The following RPRD1B variants were observed in gnomAD, a reference collection of about 807,000 sequenced individuals.
RPRD1B encodes the protein regulation of nuclear pre-mRNA domain-containing protein 1B.
RPRD1B carries 11 observed loss-of-function variants against 41.5 expected under a neutral mutation model. The observed-to-expected ratio is 0.27, with a 90% CI of 0.17 to 0.44. RPRD1B has a LOEUF of 0.44. Ranked by LOEUF, RPRD1B falls within the 20% of genes least tolerant of loss-of-function variation. The pLI is 1.00. For missense variants in RPRD1B, 248 were observed against 389.9 expected (o/e 0.64, Z 3.06); for synonymous variants, 158 against 155.6 (o/e 1.02, Z -0.12).
At chr20:38,036,748 C>A (rs1055599674) in intron 1 of RPRD1B, among the ~76,000 whole-genome samples, 1 of 152,230 alleles carries the variant, frequency 6.6e-6, no homozygotes, top group Non-Finnish European at 1.5e-5. Context: ...TGTTTTCTAT[C>A]TGTGCCATCC....
intron 2 of RPRD1B, among the ~76,000 whole-genome samples, chr20:38,043,330 G>C (rs1363631841): frequency 6.6e-6 from 1 of 152,184 alleles, no homozygotes; most frequent in Non-Finnish European, 1.5e-5. Context: ...AGAATATAGT[G>C]CACAAAGGGA....
intron 4 of RPRD1B, among the ~76,000 whole-genome samples, chr20:38,058,086 G>A (rs2074261941): frequency 6.6e-6 from 1 of 152,068 alleles, no homozygotes; most frequent in African/African-American, 2.4e-5. Flanking sequence ...ATTGAAACAA[G>A]GAGTTAGTCT....
At chr20:38,062,919 C>CA (rs1268480074) in intron 5 of RPRD1B, among the ~76,000 whole-genome samples, 1 of 142,052 alleles carries the variant, frequency 7.0e-6, no homozygotes, top group Non-Finnish European at 1.5e-5. Context: ...ATTGTAACCT[C>CA]AAACTCCTGG....
At chr20:38,077,171 GCC>G (rs1236689191) in intron 6 of RPRD1B, among the ~76,000 whole-genome samples, 4 of 151,890 alleles carry the variant, frequency 2.6e-5, no homozygotes, top group Non-Finnish European at 5.9e-5. Flanking sequence ...ACCCGCCTCA[GCC>G]TCCCAAAGCG....
intron 3 of RPRD1B, among the ~76,000 whole-genome samples, chr20:38,050,243 C>A (rs937897870): frequency 1.3e-5 from 2 of 152,192 alleles, no homozygotes; most frequent in East Asian, 3.9e-4. Context: ...GGGTAACTTT[C>A]CTGTGAAACC....
chr20:38,059,806 G>A (rs536311837), intron 5 of RPRD1B, among the ~76,000 whole-genome samples: 10 of 152,174 alleles, frequency 6.6e-5, no homozygotes, highest in African/African-American at 2.2e-4. Context: ...AATTGTGTGC[G>A]TGTGGGGTGG....
At chr20:38,037,745 G>A (rs560086570) in intron 1 of RPRD1B, among the ~76,000 whole-genome samples, 1 of 152,298 alleles carries the variant, frequency 6.6e-6, no homozygotes, top group Admixed American at 6.5e-5. Flanking sequence ...AATTGGCATT[G>A]TAAACAGTGA....
intron 6 of RPRD1B, among the ~76,000 whole-genome samples, chr20:38,067,158 A>G (rs2074365941): frequency 6.6e-6 from 1 of 152,206 alleles, no homozygotes; most frequent in Admixed American, 6.5e-5. Context: ...TTTCCTCACC[A>G]TACACTTGTT....
At chr20:38,040,275 C>T (rs1210625470) in intron 1 of RPRD1B, among the ~76,000 whole-genome samples, 160 bp from the exon 2 acceptor site, 2 of 151,106 alleles carry the variant, frequency 1.3e-5, no homozygotes, top group East Asian at 3.9e-4. Context: ...ATGGTATTCC[C>T]AAACCTATTC....
At chr20:38,035,747 A>G (rs547828844) in intron 1 of RPRD1B, among the ~76,000 whole-genome samples, 13 of 149,628 alleles carry the variant, frequency 8.7e-5, no homozygotes, top group Admixed American at 5.3e-4. Context: ...GTTAAAGTCC[A>G]TCTCAGGTGT....
chr20:38,063,229 T>A (rs745801272), intron 5 of RPRD1B, among the ~76,000 whole-genome samples: 1 of 152,226 alleles, frequency 6.6e-6, no homozygotes, highest in Non-Finnish European at 1.5e-5. Context: ...CTGACCACCT[T>A]TTTGAAAATG....
chr20:38,077,757 G>A (rs2074477800), intron 6 of RPRD1B, among the ~76,000 whole-genome samples: 1 of 152,102 alleles, frequency 6.6e-6, no homozygotes, highest in South Asian at 2.1e-4. Flanking sequence ...ATCTACATCT[G>A]CTCTTAGGCC....
rs753633602 is a variant in RPRD1B, at chr20:38,040,481, C to T, written c.198C>T (p.Val66=). The change falls in exon 2 of 7, where the codon GTC becomes GTT. Residue 66 remains valine (V), a synonymous_variant. Transcript: ENST00000373433. ...CTTTTCTGTATTTAGCGAATGATGTCATCCAAAACAGTAAAAGGAAAGGAC... is the reference window on the plus strand; with the variant it reads ...CTTTTCTGTATTTAGCGAATGATGTTATCCAAAACAGTAAAAGGAAAGGAC... ...KLTFLYLAND[V]IQNSKRKGPE... is the part of the protein sequence containing the mutation. 6.8e-6 allele frequency: 11 copies of T among 1,608,098 alleles called. No homozygotes were observed. In the East Asian group the frequency reaches 2.2e-4, roughly 33 times the overall value.
chr20:38,070,480 G>A lies in RPRD1B; in HGVS notation c.831+4224G>A, dbSNP rs1206905269. The A allele has an allele frequency of 3.0e-6, 3 of 985,414 alleles. No homozygotes were observed. The East Asian group carries it at 3.4e-4, about 112-fold the overall frequency. The allele number at this position is 985,414 out of a possible 1,614,324, so 61.0% of individuals were successfully genotyped here. On this transcript the variant is annotated intron_variant, in intron 6 of 6. Transcript: ENST00000373433. ...AAAGCCTTCCAGCTTCACTTCCAGA[G>A]CAAAGAGAAGCTTTGTTTGTGGTTG...
chr20:38,087,511 C>T (rs1568664974), intron 6 of RPRD1B, among the ~76,000 whole-genome samples: 1 of 152,152 alleles, frequency 6.6e-6, no homozygotes, highest in African/African-American at 2.4e-5. Context: ...GGTTCTGAGT[C>T]GAGGTGGCTT....
Position 38,047,433 on chromosome 20 carries a change from T to A in RPRD1B, c.282-915T>A, listed in dbSNP as rs6022616. ...GCATGGTTTCTCCTTGAAGTTCCTA[T>A]TAAAAGCCATTTAACTTAGATACTA... On this transcript the variant is annotated intron_variant, in intron 2 of 6. Coordinates refer to ENST00000373433, the MANE Select transcript of RPRD1B (RefSeq NM_021215.4). Among the ~76,000 whole-genome samples, 14 of 151,964 alleles carry A rather than the reference T, an allele frequency of 9.2e-5. 1 individual carries two copies. The highest frequency in any genetic ancestry group is 9.2e-4 in the Admixed American group (14 of 15,272).
At position 38,091,722 on chromosome 20, in the gene RPRD1B, C is replaced by T. The variant is rs887059309; in HGVS notation, c.*1847C>T. 3.1e-5 allele frequency: 31 copies of T among 985,554 alleles called. No individual in the cohort carries two copies. The highest frequency in any genetic ancestry group is 3.7e-5 in the Non-Finnish European group (31 of 829,946). The allele number at this position is 985,554 out of a possible 1,614,324, so 61.1% of individuals were successfully genotyped here. A position where few individuals can be genotyped will look rare whatever the true frequency, so the allele number is the denominator to read the frequency against. ...ACTCTATGCTTTCACCAAGGAAGTG[C>T]GATCTGAGCAGCCACAATCCAGCCA... On this transcript the variant is annotated 3_prime_UTR_variant, in exon 7 of 7. Transcript: ENST00000373433.
At chr20:38,065,074 A>G (rs2074340717) in intron 5 of RPRD1B, among the ~76,000 whole-genome samples, 2 of 151,954 alleles carry the variant, frequency 1.3e-5, no homozygotes, top group South Asian at 4.2e-4. Flanking sequence ...TTTTCTGTGT[A>G]TTTACATAAG....
intron 6 of RPRD1B, among the ~76,000 whole-genome samples, chr20:38,082,573 G>T (rs1261254935): frequency 6.6e-6 from 1 of 152,082 alleles, no homozygotes. Flanking sequence ...ATTTTTAATA[G>T]AGACGGGGTT....
Sources: allele counts gnomAD v4.1 joint callset (sites outside exome capture counted in the v4.1 genomes callset), GRCh38; gene constraint gnomAD v4.1.1; transcripts MANE v1.5; gene names NCBI Gene and HGNC (gene_info 2026-07-23, HGNC 2026-07-21).